The following KLHL29 variants were observed in gnomAD, a reference collection of about 807,000 sequenced individuals.
KLHL29 encodes the protein kelch like family member 29, also known as kelch-like protein 29.
Under a neutral mutation model 80.4 loss-of-function variants are expected in KLHL29, and 21 were observed. That is an observed-to-expected ratio of 0.26 (90% CI 0.19 to 0.38). The LOEUF is 0.38. Among genes scored for constraint, KLHL29 ranks in the 10% least tolerant of loss-of-function variants. KLHL29 has a pLI of 1.00. For synonymous variants in KLHL29, 511 were observed against 526.8 expected (o/e 0.97, Z 0.41); for missense variants, 867 against 1,223.9 (o/e 0.71, Z 4.35).
chr2:23,628,581 G>A (rs1485576778), intron 3 of KLHL29, among the ~76,000 whole-genome samples: 1 of 152,244 alleles, frequency 6.6e-6, no homozygotes, highest in African/African-American at 2.4e-5. Flanking sequence ...GAGCCCAGGA[G>A]TTTGAGGCTG....
chr2:23,437,372 T>C (rs1379678129), intron 1 of KLHL29, among the ~76,000 whole-genome samples: 7 of 152,194 alleles, frequency 4.6e-5, no homozygotes, highest in Non-Finnish European at 5.9e-5. Context: ...AATCCCACTC[T>C]TGGATGAGTT....
At chr2:23,394,502 A>G (rs1382871931) in intron 1 of KLHL29, among the ~76,000 whole-genome samples, 3 of 152,218 alleles carry the variant, frequency 2.0e-5, no homozygotes, top group African/African-American at 7.2e-5. Flanking sequence ...TCAGATCAAC[A>G]AACATGGGTG....
intron 1 of KLHL29, among the ~76,000 whole-genome samples, chr2:23,426,003 G>A (rs1194161822): frequency 6.6e-6 from 1 of 152,112 alleles, no homozygotes; most frequent in Non-Finnish European, 1.5e-5. Flanking sequence ...CTGGGACAAG[G>A]GTGTGTGCCA....
intron 5 of KLHL29, among the ~76,000 whole-genome samples, chr2:23,644,868 G>A (rs1306676234): frequency 2.0e-5 from 3 of 152,246 alleles, no homozygotes; most frequent in Admixed American, 2.0e-4. Flanking sequence ...GGCCTAGAAA[G>A]TGTCCTCAGC....
At chr2:23,597,759 G>T (rs1274790880) in intron 3 of KLHL29, among the ~76,000 whole-genome samples, 2 of 152,064 alleles carry the variant, frequency 1.3e-5, no homozygotes, top group Non-Finnish European at 2.9e-5. Flanking sequence ...GCTCTGTAAG[G>T]TTCCTTCTAG....
In KLHL29 at chr2:23,684,594, C is replaced by T. The variant is rs1184149257; in HGVS notation, c.1079+57C>T. 25 of 1,445,032 alleles carry T rather than the reference C, an allele frequency of 1.7e-5. No homozygotes were observed. The highest frequency in any genetic ancestry group is 5.8e-5 in the African/African-American group (4 of 69,280). The allele number at this position is 1,445,032 out of a possible 1,614,324, so 89.5% of individuals were successfully genotyped here. On this transcript the variant is annotated intron_variant, in intron 6 of 13. Coordinates refer to ENST00000486442, the MANE Select transcript of KLHL29 (RefSeq NM_052920.2). This position sits in a 1 kb window ranked among gnomAD's most constrained non-coding sequence, Gnocchi z 4.4. ...GTTCCTTTGTAGGACGCTTTTGTGT[C>T]GCTTTTCTCTTCCCCTCTCTTGCAG...
At chr2:23,642,926 G>A (rs1289339151) in intron 5 of KLHL29, 76 bp downstream of exon 5, 7 of 1,497,772 alleles carry the variant, frequency 4.7e-6, no homozygotes, top group Admixed American at 3.9e-5. Context: ...ACACCACCGG[G>A]ACAGGGGGTG....
intron 1 of KLHL29, among the ~76,000 whole-genome samples, chr2:23,390,250 G>T (rs997337993): frequency 1.1e-4 from 16 of 152,212 alleles, no homozygotes; most frequent in Non-Finnish European, 1.5e-4. Context: ...GTAGAAAGGA[G>T]AAGAGTTCTC....
chr2:23,551,202 C>A (rs745676436), intron 2 of KLHL29, among the ~76,000 whole-genome samples: 1 of 152,248 alleles, frequency 6.6e-6, no homozygotes, highest in Non-Finnish European at 1.5e-5. Flanking sequence ...TCAGTTTACG[C>A]TGATATTGTG....
intron 2 of KLHL29, among the ~76,000 whole-genome samples, chr2:23,527,510 T>C (rs1666363349): frequency 1.3e-5 from 2 of 152,200 alleles, no homozygotes; most frequent in Non-Finnish European, 2.9e-5. Flanking sequence ...GAGGCTTGCC[T>C]GCTTAGAAAG....
intron 2 of KLHL29, among the ~76,000 whole-genome samples, chr2:23,561,199 G>A (rs1328113952): frequency 6.6e-6 from 1 of 152,186 alleles, no homozygotes; most frequent in Non-Finnish European, 1.5e-5. Flanking sequence ...TGGCCTCTGA[G>A]ACCGACAGCT....
chr2:23,642,225 C>T, intron 4 of KLHL29, 113 bp from the exon 5 acceptor site: 2 of 988,070 alleles, frequency 2.0e-6, no homozygotes, highest in Non-Finnish European at 2.7e-6. Flanking sequence ...TTCCTGGACG[C>T]AGGTGTCTCG....
intron 3 of KLHL29, among the ~76,000 whole-genome samples, chr2:23,609,596 A>C (rs138125385): frequency 4.4e-4 from 67 of 151,982 alleles, no homozygotes; most frequent in African/African-American, 1.4e-3. Context: ...GCAGAATTTC[A>C]TGATAACCGT....
At chr2:23,658,666 C>T (rs1027126643) in intron 5 of KLHL29, among the ~76,000 whole-genome samples, 1 of 152,322 alleles carries the variant, frequency 6.6e-6, no homozygotes, top group African/African-American at 2.4e-5. Flanking sequence ...TGCCAAGAGG[C>T]CTTCCGGTTG....
rs563960198 is a variant in KLHL29, at chr2:23,613,635, G to A, written c.286-25504G>A. Among the ~76,000 whole-genome samples, 51 of 151,798 alleles carry A rather than the reference G, an allele frequency of 3.4e-4. 1 individual carries two copies. The highest frequency in any genetic ancestry group is 1.2e-3 in the African/African-American group (48 of 41,354). The stretch of plus-strand genomic sequence containing the variant: ...AAACATTAGCCGGGGGTGGTGGCAC[G>A]CGCCTGTAATCCCAGCTACTCGGGA... On this transcript the variant is annotated intron_variant, in intron 3 of 13. Coordinates refer to ENST00000486442, the MANE Select transcript of KLHL29 (RefSeq NM_052920.2).
chr2:23,603,830 C>G (rs937574835), intron 3 of KLHL29, among the ~76,000 whole-genome samples: 3 of 152,242 alleles, frequency 2.0e-5, no homozygotes, highest in African/African-American at 7.2e-5. Flanking sequence ...AGGCTGCACT[C>G]AGCCCATCCC....
chr2:23,460,199 C>T (rs1003671170), intron 1 of KLHL29, among the ~76,000 whole-genome samples: 3 of 152,280 alleles, frequency 2.0e-5, no homozygotes, highest in African/African-American at 7.2e-5. Flanking sequence ...TTCCTTCTTT[C>T]CTTGTCAACA....
intron 2 of KLHL29, among the ~76,000 whole-genome samples, chr2:23,556,091 G>A (rs548605561): frequency 4.6e-5 from 7 of 152,320 alleles, no homozygotes; most frequent in African/African-American, 7.2e-5. Context: ...CATTTGCTCC[G>A]GTTCTGTGAG....
chr2:23,549,980 C>G (rs1264810271), intron 2 of KLHL29, among the ~76,000 whole-genome samples: 2 of 152,142 alleles, frequency 1.3e-5, no homozygotes, highest in South Asian at 2.1e-4. Context: ...CCCCAGGGAG[C>G]TGGGCCACCC....
Sources: gnomAD v4.1 joint callset for allele counts (sites outside exome capture counted in the v4.1 genomes callset) on GRCh38, gnomAD v4.1.1 for gene constraint, Gnocchi (gnomAD v3.1) non-coding constraint, MANE v1.5 for transcripts, NCBI Gene and HGNC (gene_info 2026-07-23, HGNC 2026-07-21) for gene names.